The following EPB41L3 variants were observed in gnomAD, a reference collection of about 807,000 sequenced individuals.
EPB41L3 encodes the protein band 4.1-like protein 3.
A neutral mutation model predicts 127.1 loss-of-function variants in EPB41L3; 57 were observed. The observed-to-expected ratio is 0.45, with a 90% confidence interval of 0.36 to 0.56. EPB41L3 has a LOEUF of 0.56. EPB41L3 is among the 20% of genes least tolerant of loss of function. The pLI is 0.00. For missense variants in EPB41L3, 1,273 were observed against 1,372.2 expected (o/e 0.93, Z 1.14); for synonymous variants, 572 against 549.5 (o/e 1.04, Z -0.57).
chr18:5,526,309 C>A (rs2093219807), intron 1 of EPB41L3, among the ~76,000 whole-genome samples: 1 of 152,170 alleles, frequency 6.6e-6, no homozygotes, highest in Non-Finnish European at 1.5e-5. Context: ...AGGTAGTTCA[C>A]AAGAAATGAT....
intron 1 of EPB41L3, among the ~76,000 whole-genome samples, chr18:5,616,892 G>A (rs1371251145): frequency 6.6e-6 from 1 of 152,144 alleles, no homozygotes; most frequent in South Asian, 2.1e-4. Context: ...CTTGTCCATA[G>A]ACATTTGTGT....
intron 1 of EPB41L3, among the ~76,000 whole-genome samples, chr18:5,512,683 T>C (rs537088394): frequency 4.7e-4 from 71 of 152,050 alleles, no homozygotes; most frequent in Non-Finnish European, 7.2e-4. Flanking sequence ...AGATGAGGGG[T>C]TGAATAATTA....
chr18:5,489,175 G>C lies in EPB41L3; in HGVS notation c.9C>G (p.Thr3=), dbSNP rs1234807032. The change falls in exon 2 of 23, where the codon ACC becomes ACG. Residue 3 remains threonine (T), a synonymous_variant. Transcript: ENST00000341928. ...TGGATTCCGAGTCTGATCCAGATTC[G>C]GTCGTCATGGTTGATTGTTCTGCAA... MT[T]ESGSDSESKP... is the part of the protein sequence containing the mutation. 1.0e-5 allele frequency: 16 copies of C among 1,593,860 alleles called. No individual in the cohort carries two copies. The highest frequency in any genetic ancestry group is 1.4e-5 in the Non-Finnish European group (16 of 1,174,212).
intron 1 of EPB41L3, among the ~76,000 whole-genome samples, chr18:5,517,078 G>A (rs573218021): frequency 6.6e-6 from 1 of 152,148 alleles, no homozygotes; most frequent in Non-Finnish European, 1.5e-5. Context: ...TCTGAGGGCA[G>A]AGCAACATCG....
chr18:5,496,090 C>A (rs2148425619), intron 1 of EPB41L3, among the ~76,000 whole-genome samples: 1 of 152,210 alleles, frequency 6.6e-6, no homozygotes, highest in African/African-American at 2.4e-5. Flanking sequence ...ACACAGATAA[C>A]CTGAAAAAGT....
At position 5,394,667 on chromosome 18, in the gene EPB41L3, C is replaced by A; in HGVS notation, c.*6+10G>T. On this transcript the variant is annotated intron_variant, in intron 22 of 22. Transcript: ENST00000341928. ...CTAGGCAAGCCTAGAGAATCGGCAT[C>A]ACCTCTTACCTCTGGTCAATCCTCT... 1 of 1,607,628 alleles carries A rather than the reference C, an allele frequency of 6.2e-7. No homozygotes were observed. Among genetic ancestry groups the A allele is most frequent in the Non-Finnish European group, 8.5e-7 (1 of 1,174,540 alleles).
chr18:5,538,643 T>C (rs985433372), intron 1 of EPB41L3, among the ~76,000 whole-genome samples: 2 of 152,178 alleles, frequency 1.3e-5, no homozygotes, highest in Non-Finnish European at 2.9e-5. Context: ...CAATATCATC[T>C]CCCAGCACTA....
chr18:5,463,023 C>T (rs914569858), intron 3 of EPB41L3, among the ~76,000 whole-genome samples: 3 of 152,202 alleles, frequency 2.0e-5, no homozygotes, highest in Non-Finnish European at 2.9e-5. Flanking sequence ...GTTACTGGCT[C>T]TTACCACTAC....
intron 9 of EPB41L3, among the ~76,000 whole-genome samples, chr18:5,424,631 C>A (rs570220073): frequency 6.6e-6 from 1 of 152,236 alleles, no homozygotes; most frequent in South Asian, 2.1e-4. Flanking sequence ...AAACCAAACA[C>A]GAAAAGGGGT....
intron 1 of EPB41L3, among the ~76,000 whole-genome samples, chr18:5,529,703 C>T (rs933322751): frequency 6.6e-6 from 1 of 152,206 alleles, no homozygotes; most frequent in African/African-American, 2.4e-5. Context: ...TTCTACTTCT[C>T]CCTTGCAGAT....
chr18:5,519,191 T>G (rs899802338), intron 1 of EPB41L3, among the ~76,000 whole-genome samples: 1 of 152,216 alleles, frequency 6.6e-6, no homozygotes, highest in Non-Finnish European at 1.5e-5. Context: ...GCATCACACT[T>G]GTAGCAAAAA....
At chr18:5,622,172 AG>A (rs1284508146) in intron 1 of EPB41L3, among the ~76,000 whole-genome samples, 1 of 152,198 alleles carries the variant, frequency 6.6e-6, no homozygotes, top group African/African-American at 2.4e-5. Context: ...AGGGCCAAGA[AG>A]GGCTTGAAAC....
chr18:5,395,212 G>A, intron 20 of EPB41L3, 65 bp from the exon 21 acceptor site: 1 of 1,383,368 alleles, frequency 7.2e-7, no homozygotes, highest in Non-Finnish European at 1.0e-6. Flanking sequence ...GGTTCAGTAG[G>A]GGGAAATGGC....
intron 1 of EPB41L3, among the ~76,000 whole-genome samples, chr18:5,537,120 A>AATAGC (rs1407993067): frequency 6.6e-6 from 1 of 152,208 alleles, no homozygotes; most frequent in Non-Finnish European, 1.5e-5. Flanking sequence ...ATAGTTATTA[A>AATAGC]ATAGCAAGGC....
At position 5,573,797 on chromosome 18, in the gene EPB41L3, CTACT is replaced by C. The variant is rs149268286; in HGVS notation, c.-306+38539_-306+38542del. On this transcript the variant is annotated intron_variant, in intron 3 of 21. Coordinates refer to the EPB41L3 transcript ENST00000545076. ...GCTTACACAAATAAGAAAAAATTAA[CTACT>C]TATGTTTTTAAAAAGTCAAGAATAG... Among the ~76,000 whole-genome samples the C allele has an allele frequency of 9.2e-3, 1,401 of 152,156 alleles. 8 individuals are homozygous for C. Among genetic ancestry groups the C allele is most frequent in the Non-Finnish European group, 0.014 (973 of 67,996 alleles).
intron 1 of EPB41L3, among the ~76,000 whole-genome samples, chr18:5,516,722 A>T (rs1327569527): frequency 2.0e-5 from 3 of 152,240 alleles, no homozygotes; most frequent in Admixed American, 1.3e-4. Flanking sequence ...AGCAGTTAAA[A>T]TATATACATT....
intron 3 of EPB41L3, among the ~76,000 whole-genome samples, chr18:5,551,908 G>A (rs2093971123): frequency 6.6e-6 from 1 of 152,176 alleles, no homozygotes. Flanking sequence ...AACCTCTGGA[G>A]AGTGGGACCC....
intron 3 of EPB41L3, among the ~76,000 whole-genome samples, chr18:5,567,818 A>AT (rs2094226846): frequency 6.6e-6 from 1 of 152,204 alleles, no homozygotes; most frequent in African/African-American, 2.4e-5. Context: ...ATTTGTCATA[A>AT]TATGTAATAT....
At chr18:5,560,567 G>C (rs1188798743) in intron 3 of EPB41L3, among the ~76,000 whole-genome samples, 1 of 152,220 alleles carries the variant, frequency 6.6e-6, no homozygotes, top group Admixed American at 6.5e-5. Context: ...GGGGAATTGA[G>C]CATGCAGATC....
Sources: allele counts gnomAD v4.1 joint callset (sites outside exome capture counted in the v4.1 genomes callset), GRCh38; gene constraint gnomAD v4.1.1; transcripts MANE v1.5; gene names NCBI Gene and HGNC (gene_info 2026-07-23, HGNC 2026-07-21).